NTRK3: variants seen among roughly 807,000 people sequenced by gnomAD.
NTRK3 encodes the protein neurotrophic receptor tyrosine kinase 3, also known as NT-3 growth factor receptor.
NTRK3 carries 24 observed loss-of-function variants against 91.7 expected under a neutral mutation model. The ratio of observed to expected loss-of-function variants is 0.26; its 90% CI spans 0.19 to 0.37. NTRK3 has a LOEUF of 0.37. Ranked by LOEUF, NTRK3 falls within the 10% of genes least tolerant of loss-of-function variation. The pLI is 1.00. For synonymous variants in NTRK3, 483 were observed against 404.0 expected (o/e 1.20, Z -2.34); for missense variants, 880 against 1,068.9 (o/e 0.82, Z 2.46).
chr15:88,251,917 A>G (rs1052452981), intron 3 of NTRK3, among the ~76,000 whole-genome samples: 9 of 152,188 alleles, frequency 5.9e-5, no homozygotes, highest in African/African-American at 1.9e-4. Context: ...TCATGGCCTC[A>G]GGTCCCATGG....
intron 14 of NTRK3, among the ~76,000 whole-genome samples, chr15:87,993,501 G>A (rs1028580967): frequency 6.6e-6 from 1 of 152,186 alleles, no homozygotes; most frequent in Non-Finnish European, 1.5e-5. Flanking sequence ...TACATCAGTA[G>A]AGAAGAATAG....
chr15:88,160,548 C>T (rs971044851), intron 5 of NTRK3, among the ~76,000 whole-genome samples: 2 of 152,140 alleles, frequency 1.3e-5, no homozygotes, highest in Admixed American at 6.5e-5. Context: ...GTAGATCCTG[C>T]GCATGTAAAA....
chr15:88,068,258 C>T (rs547828847), intron 13 of NTRK3, among the ~76,000 whole-genome samples: 1 of 152,084 alleles, frequency 6.6e-6, no homozygotes, highest in South Asian at 2.1e-4. Flanking sequence ...ATGGTGAAAC[C>T]ACATCTCTAC....
At chr15:88,090,074 T>A (rs930053202) in intron 13 of NTRK3, among the ~76,000 whole-genome samples, 14 of 152,086 alleles carry the variant, frequency 9.2e-5, no homozygotes, top group African/African-American at 3.4e-4. Context: ...TTCCCCGAGA[T>A]GTCTGTGAAG....
At chr15:87,994,607 T>C (rs2075550077) in intron 14 of NTRK3, among the ~76,000 whole-genome samples, 1 of 152,046 alleles carries the variant, frequency 6.6e-6, no homozygotes, top group South Asian at 2.1e-4. Context: ...ACCGAGAAAA[T>C]AAATTTCTGT....
At chr15:87,881,605 G>C (rs1348444143) in intron 17 of NTRK3, among the ~76,000 whole-genome samples, 2 of 151,928 alleles carry the variant, frequency 1.3e-5, no homozygotes, top group African/African-American at 2.4e-5. Context: ...ATTTTTAGTA[G>C]AGACGGGGTT....
At chr15:87,984,496 G>C (rs2074566001) in intron 14 of NTRK3, among the ~76,000 whole-genome samples, 2 of 152,208 alleles carry the variant, frequency 1.3e-5, no homozygotes, top group African/African-American at 2.4e-5. Context: ...TCAATAAAAG[G>C]ATGGCGGCAC....
intron 13 of NTRK3, among the ~76,000 whole-genome samples, chr15:88,070,873 C>G (rs2047035374): frequency 6.6e-6 from 1 of 151,944 alleles, no homozygotes; most frequent in African/African-American, 2.4e-5. Flanking sequence ...ATAACCAAAA[C>G]CCAAGGAGAG....
chr15:88,116,401 A>C (rs2151020013), intron 13 of NTRK3, among the ~76,000 whole-genome samples: 1 of 151,986 alleles, frequency 6.6e-6, no homozygotes, highest in Non-Finnish European at 1.5e-5. Context: ...CCTGGCCAAC[A>C]TGGTGAAACC....
chr15:88,062,067 T>C (rs1190089217), intron 13 of NTRK3, among the ~76,000 whole-genome samples: 3 of 152,220 alleles, frequency 2.0e-5, no homozygotes, highest in Non-Finnish European at 4.4e-5. Context: ...TACGTAGCGC[T>C]TACATTGTAT....
chr15:88,161,183 A>C (rs2044421062), intron 5 of NTRK3, among the ~76,000 whole-genome samples: 1 of 152,152 alleles, frequency 6.6e-6, no homozygotes, highest in Non-Finnish European at 1.5e-5. Flanking sequence ...ATAAGAGTTC[A>C]CTTAAATATT....
intron 5 of NTRK3, among the ~76,000 whole-genome samples, chr15:88,167,650 G>C (rs563017696): frequency 6.6e-5 from 10 of 152,210 alleles, no homozygotes; most frequent in East Asian, 3.9e-4. Context: ...GTCATTAGTC[G>C]TGAGGGGAGG....
Position 88,144,828 on chromosome 15 carries a change from A to C in NTRK3, c.464+2507T>G, listed in dbSNP as rs374703840. ...CCTACTGGAAAAGTCATGGACACTC[A>C]GCCCTTCCATTCTTACAGCAAGGAT... On this transcript the variant is annotated intron_variant, in intron 6 of 18. Coordinates refer to ENST00000394480, the Ensembl canonical transcript of NTRK3. Among the ~76,000 whole-genome samples the C allele has an allele frequency of 2.0e-5, 3 of 152,254 alleles. No homozygotes were observed. The East Asian group carries it at 5.8e-4, about 29-fold the overall frequency.
chr15:88,013,977 C>T (rs2077058684), intron 14 of NTRK3, among the ~76,000 whole-genome samples: 1 of 152,166 alleles, frequency 6.6e-6, no homozygotes, highest in Non-Finnish European at 1.5e-5. Flanking sequence ...GATAGTAACA[C>T]TGTATCTCAC....
chr15:88,252,876 T>A (rs926561265), intron 3 of NTRK3: 3 of 152,202 alleles, frequency 2.0e-5, no homozygotes, highest in African/African-American at 7.2e-5. Flanking sequence ...TTCCTCCAGA[T>A]ACAAACAGGG....
intron 13 of NTRK3, among the ~76,000 whole-genome samples, chr15:88,054,234 T>C (rs780856641): frequency 2.0e-5 from 3 of 152,226 alleles, no homozygotes; most frequent in Non-Finnish European, 4.4e-5. Context: ...CATTAAATAA[T>C]AACATTAGTA....
chr15:87,995,977 T>C (rs988292148), intron 14 of NTRK3, among the ~76,000 whole-genome samples: 2 of 152,174 alleles, frequency 1.3e-5, no homozygotes, highest in Non-Finnish European at 2.9e-5. Context: ...GGTGTGATGG[T>C]TCATGCTTGT....
chr15:87,977,361 T>C (rs1225922891), intron 14 of NTRK3: 1 of 189,380 alleles, frequency 5.3e-6, no homozygotes, highest in East Asian at 8.5e-5. Flanking sequence ...TCTGATTCAG[T>C]CATTTCATTA....
In NTRK3 at chr15:88,243,191, C is replaced by A. The variant is rs1347300988; in HGVS notation, c.248+12715G>T. Among the ~76,000 whole-genome samples, 4 of 152,198 alleles carry A rather than the reference C, an allele frequency of 2.6e-5. No individual in the cohort carries two copies. The highest frequency in any genetic ancestry group is 5.9e-5 in the Non-Finnish European group (4 of 68,036). On this transcript the variant is annotated intron_variant, in intron 3 of 18. Coordinates refer to ENST00000394480, the Ensembl canonical transcript of NTRK3. The surrounding 1 kb of genome is among the most constrained non-coding windows in gnomAD (Gnocchi z 4.8). ...AGAATAAAATTGCACCCCTCCTCCACGCCCTTGCCCCCTCCCCACTTCTTA... is the reference window on the plus strand; with the variant it reads ...AGAATAAAATTGCACCCCTCCTCCAAGCCCTTGCCCCCTCCCCACTTCTTA...
Sources: allele counts gnomAD v4.1 joint callset (sites outside exome capture counted in the v4.1 genomes callset), GRCh38; gene constraint gnomAD v4.1.1; non-coding constraint Gnocchi (gnomAD v3.1); transcripts MANE v1.5; gene names NCBI Gene and HGNC (gene_info 2026-07-23, HGNC 2026-07-21).